The following FBXL17 variants were observed in gnomAD, a reference collection of about 807,000 sequenced individuals.
FBXL17 encodes the protein F-box/LRR-repeat protein 17.
In FBXL17, 22 loss-of-function variants were observed where a neutral mutation model predicts 66.2. That is an observed-to-expected ratio of 0.33 (90% CI 0.24 to 0.47). FBXL17 has a LOEUF of 0.47. Ranked by LOEUF, FBXL17 falls within the 20% of genes least tolerant of loss-of-function variation. The pLI, the probability that FBXL17 is intolerant of heterozygous loss-of-function variation, is 1.00. For missense variants in FBXL17, 878 were observed against 948.2 expected, an observed-to-expected ratio of 0.93 and a Z score of 0.97; for synonymous variants, 474 against 400.5, an observed-to-expected ratio of 1.18 and a Z score of -2.19.
intron 7 of FBXL17, among the ~76,000 whole-genome samples, chr5:107,993,840 A>G (rs1753361342): frequency 6.6e-6 from 1 of 152,170 alleles, no homozygotes; most frequent in Non-Finnish European, 1.5e-5. Context: ...ACCAAAATTT[A>G]TATCTGATAA....
At chr5:108,123,171 T>A (rs964925087) in intron 6 of FBXL17, among the ~76,000 whole-genome samples, 2 of 151,790 alleles carry the variant, frequency 1.3e-5, no homozygotes, top group African/African-American at 2.4e-5. Flanking sequence ...TTGCTTTTTT[T>A]AATTGCCACT....
intron 6 of FBXL17, among the ~76,000 whole-genome samples, chr5:108,143,726 G>GAAGA (rs1751450281): frequency 9.3e-6 from 1 of 107,546 alleles, no homozygotes; most frequent in Non-Finnish European, 1.8e-5. Context: ...GTTTTCATGG[G>GAAGA]AAAAAAAAAA....
chr5:108,344,210 G>T (rs1162751457), intron 4 of FBXL17, among the ~76,000 whole-genome samples: 1 of 151,990 alleles, frequency 6.6e-6, no homozygotes, highest in Non-Finnish European at 1.5e-5. Flanking sequence ...AGGTGAATTT[G>T]ATCCTACATC....
chr5:108,312,122 G>A (rs1759149156), intron 4 of FBXL17, among the ~76,000 whole-genome samples: 1 of 152,012 alleles, frequency 6.6e-6, no homozygotes, highest in Non-Finnish European at 1.5e-5. Context: ...AGGTGGCTAG[G>A]TCTCATAATA....
chr5:108,225,812 A>G lies in FBXL17; in HGVS notation c.1507-1584T>C, dbSNP rs542414215. ...CCCTCTCATTCATTGTCACTATCCT[A>G]TCAATTAAATGGTCAATCTCAATTA... On this transcript the variant is annotated intron_variant, in intron 4 of 8. Coordinates refer to ENST00000542267, the MANE Select transcript of FBXL17 (RefSeq NM_001163315.3). 7.2e-5 allele frequency among the ~76,000 whole-genome samples: 11 copies of G among 152,220 alleles called. No individual in the cohort carries two copies. The East Asian group carries it at 2.1e-3, about 29-fold the overall frequency.
intron 8 of FBXL17, among the ~76,000 whole-genome samples, chr5:107,867,636 T>A (rs925909520): frequency 1.3e-5 from 2 of 152,256 alleles, no homozygotes; most frequent in African/African-American, 4.8e-5. Context: ...TGGCAAAGAA[T>A]AAATTGTGGA....
intron 6 of FBXL17, among the ~76,000 whole-genome samples, chr5:108,072,616 G>A (rs895663699): frequency 6.6e-6 from 1 of 152,230 alleles, no homozygotes; most frequent in Admixed American, 6.5e-5. Context: ...GTTGAGGCAG[G>A]AGAAGGGCGT....
intron 4 of FBXL17, among the ~76,000 whole-genome samples, chr5:108,275,952 A>G (rs538905460): frequency 6.6e-6 from 1 of 152,324 alleles, no homozygotes; most frequent in African/African-American, 2.4e-5. Flanking sequence ...ATATAGATTT[A>G]CCCTTCAACA....
At chr5:108,183,769 A>T (rs158169) in intron 6 of FBXL17, among the ~76,000 whole-genome samples, 108,865 of 151,922 alleles carry the variant, frequency 0.72, 39,367 homozygotes, top group East Asian at 0.93. Flanking sequence ...TCTATATGCC[A>T]TTGCGCACCA....
chr5:108,007,541 A>G (rs1389006706), intron 7 of FBXL17, among the ~76,000 whole-genome samples: 1 of 152,150 alleles, frequency 6.6e-6, no homozygotes, highest in Non-Finnish European at 1.5e-5. Context: ...GTGAAAAAAA[A>G]AAGTAAATAT....
chr5:108,191,531 A>C (rs1489725676), intron 5 of FBXL17, among the ~76,000 whole-genome samples: 1 of 152,236 alleles, frequency 6.6e-6, no homozygotes, highest in East Asian at 1.9e-4. Context: ...TCAGTCCTTC[A>C]TCATAGGAAA....
chr5:108,373,363 T>C (rs1195691496), intron 1 of FBXL17, among the ~76,000 whole-genome samples: 1 of 45,180 alleles, frequency 2.2e-5, no homozygotes, highest in Non-Finnish European at 4.5e-5. Context: ...TAAATATATA[T>C]TAATATAAAT....
intron 7 of FBXL17, among the ~76,000 whole-genome samples, chr5:107,912,990 T>C (rs1160773192): frequency 1.3e-5 from 2 of 152,148 alleles, no homozygotes; most frequent in African/African-American, 2.4e-5. Flanking sequence ...TTGAAGGATA[T>C]CAGTGGCTTA....
At chr5:108,313,999 A>C (rs1189869048) in intron 4 of FBXL17, among the ~76,000 whole-genome samples, 1 of 151,902 alleles carries the variant, frequency 6.6e-6, no homozygotes, top group Non-Finnish European at 1.5e-5. Flanking sequence ...GGGAGATATT[A>C]TATTTGGTGG....
intron 4 of FBXL17, among the ~76,000 whole-genome samples, chr5:108,290,605 GA>G (rs1196531093): frequency 4.0e-5 from 6 of 151,580 alleles, no homozygotes; most frequent in African/African-American, 1.5e-4. Flanking sequence ...AATTTTGGGG[GA>G]CTTTCTATTC....
intron 7 of FBXL17, among the ~76,000 whole-genome samples, chr5:107,982,842 T>C (rs947834731): frequency 1.3e-5 from 2 of 152,174 alleles, no homozygotes; most frequent in African/African-American, 2.4e-5. Context: ...AGACTTGAGA[T>C]TGGAAACAAA....
intron 7 of FBXL17, among the ~76,000 whole-genome samples, chr5:107,954,286 T>C (rs1751590096): frequency 6.6e-6 from 1 of 152,246 alleles, no homozygotes; most frequent in Non-Finnish European, 1.5e-5. Flanking sequence ...TTATGTACAT[T>C]ACCAAAATGG....
intron 5 of FBXL17, among the ~76,000 whole-genome samples, chr5:108,196,469 G>A (rs1320738320): frequency 6.6e-6 from 1 of 152,102 alleles, no homozygotes; most frequent in Non-Finnish European, 1.5e-5. Context: ...TTATAATCTG[G>A]TCTAATTTAA....
intron 3 of FBXL17, among the ~76,000 whole-genome samples, chr5:108,357,900 A>G (rs954342800): frequency 2.0e-5 from 3 of 151,952 alleles, no homozygotes; most frequent in African/African-American, 7.3e-5. Flanking sequence ...ATCAAAATTT[A>G]TGAGATCCAG....
Sources: gnomAD v4.1 joint callset for allele counts (sites outside exome capture counted in the v4.1 genomes callset) on GRCh38, gnomAD v4.1.1 for gene constraint, MANE v1.5 for transcripts, NCBI Gene and HGNC (gene_info 2026-07-23, HGNC 2026-07-21) for gene names.